Variants in MICU1 observed in about 807,000 individuals in gnomAD.
MICU1 encodes the protein mitochondrial calcium uptake 1, also known as calcium uptake protein 1, mitochondrial.
MICU1 carries 45 observed loss-of-function variants against 56.8 expected under a neutral mutation model. That is an observed-to-expected ratio of 0.79 (90% confidence interval 0.62 to 1.02). The LOEUF (loss-of-function observed/expected upper bound fraction) is 1.02, where lower values mean the gene tolerates loss of function less well. Among genes scored for constraint, MICU1 ranks in the 50% least tolerant of loss-of-function variants. The pLI, the probability that MICU1 is intolerant of heterozygous loss-of-function variation, is 0.00. For synonymous variants in MICU1, 186 were observed against 195.1 expected, an observed-to-expected ratio of 0.95 and a Z score of 0.39; for missense variants, 504 against 587.1, an observed-to-expected ratio of 0.86 and a Z score of 1.46.
chr10:72,616,883 C>T (rs1174805630), intron 1 of MICU1, among the ~76,000 whole-genome samples: 1 of 152,182 alleles, frequency 6.6e-6, no homozygotes. Flanking sequence ...CCCAGACTCC[C>T]TCAATTAAGG....
intron 8 of MICU1, among the ~76,000 whole-genome samples, chr10:72,437,377 C>T (rs1477989020): frequency 1.3e-5 from 2 of 152,172 alleles, no homozygotes; most frequent in African/African-American, 4.8e-5. Context: ...GCCTGACTTA[C>T]AGGAGCTCCT....
chr10:72,394,125 T>A (rs532065567), intron 10 of MICU1, among the ~76,000 whole-genome samples: 1 of 152,096 alleles, frequency 6.6e-6, no homozygotes, highest in Non-Finnish European at 1.5e-5. Context: ...TTAATAAACA[T>A]CTATTGGCTG....
chr10:72,459,173 A>C (rs1170547694), intron 8 of MICU1, among the ~76,000 whole-genome samples: 4 of 152,088 alleles, frequency 2.6e-5, no homozygotes, highest in Non-Finnish European at 5.9e-5. Context: ...TCTACTAAAA[A>C]TATGAAAATT....
At chr10:72,448,195 T>A (rs57463418) in intron 8 of MICU1, among the ~76,000 whole-genome samples, 254 of 81,694 alleles carry the variant, frequency 3.1e-3, no homozygotes, top group African/African-American at 0.014. Flanking sequence ...ATATATATAT[T>A]TTTTTTTTTT....
At position 72,508,143 on chromosome 10, in the gene MICU1, GT is replaced by G; in HGVS notation, c.652+11del. 1 of 1,409,024 alleles carries G rather than the reference GT, an allele frequency of 7.1e-7. No homozygotes were observed. Among genetic ancestry groups the G allele is most frequent in the Non-Finnish European group, 9.6e-7 (1 of 1,039,974 alleles). The allele number at this position is 1,409,024 out of a possible 1,614,324, so 87.3% of individuals were successfully genotyped here. A position where few individuals can be genotyped will look rare whatever the true frequency, so the allele number is the denominator to read the frequency against. Reference sequence around the variant, plus strand: ...TGCTCTACAAATGGAAAAAGAAAACGTTTATACTTACTGGAAAGAACAGTTG... The same window carrying G: ...TGCTCTACAAATGGAAAAAGAAAACGTTATACTTACTGGAAAGAACAGTTG... On this transcript the variant is annotated intron_variant, in intron 6 of 11. Coordinates refer to ENST00000361114, the MANE Select transcript of MICU1 (RefSeq NM_001195518.2).
chr10:72,407,976 T>A lies in MICU1; in HGVS notation c.1133A>T (p.Asp378Val). Residue 378 changes from aspartate to valine, a missense_variant, in exon 10 of 12, where the codon GAC (aspartate) becomes GTC (valine). Physicochemically the swap from Asp to Val is radical, Grantham distance 152. Transcript: ENST00000361114. ...FTFLKNINDV[D>V]TALSFYHMAG... ...CATATGGTAAAAACTCAATGCAGTG[T>A]CCACATCATTAATGTTCTTTAGGAA... 1 of 1,613,858 alleles carries A rather than the reference T, an allele frequency of 6.2e-7. No individual in the cohort carries two copies. Among genetic ancestry groups the A allele is most frequent in the Non-Finnish European group, 8.5e-7 (1 of 1,179,816 alleles).
intron 1 of MICU1, among the ~76,000 whole-genome samples, chr10:72,613,053 A>G (rs1841892282): frequency 6.6e-6 from 1 of 152,108 alleles, no homozygotes. Context: ...AATTAACATC[A>G]AACCTTTATA....
intron 1 of MICU1, among the ~76,000 whole-genome samples, chr10:72,585,823 A>G (rs1223242406): frequency 6.6e-6 from 1 of 152,070 alleles, no homozygotes; most frequent in African/African-American, 2.4e-5. Flanking sequence ...CCAGATGCTC[A>G]AGTATCTTAT....
chr10:72,405,475 C>T (rs1863597556), intron 10 of MICU1, among the ~76,000 whole-genome samples: 1 of 152,000 alleles, frequency 6.6e-6, no homozygotes, highest in Middle Eastern at 3.2e-3. Flanking sequence ...CCTGCCTCGG[C>T]CTCCCAAAGT....
At chr10:72,565,687 G>A (rs76934300) in intron 2 of MICU1, among the ~76,000 whole-genome samples, 2 of 151,140 alleles carry the variant, frequency 1.3e-5, no homozygotes, top group African/African-American at 2.4e-5. Flanking sequence ...AATCCCAGCC[G>A]GGCATGGTGG....
chr10:72,560,544 T>A (rs1012011131), intron 3 of MICU1: 1 of 152,154 alleles, frequency 6.6e-6, no homozygotes, highest in Non-Finnish European at 1.5e-5. Context: ...AACCCTTGAA[T>A]TTACATAGGA....
At chr10:72,606,376 T>G (rs539883282) in intron 1 of MICU1, among the ~76,000 whole-genome samples, 171 of 151,684 alleles carry the variant, frequency 1.1e-3, no homozygotes, top group Non-Finnish European at 2.1e-3. Context: ...TAGCCGGGCA[T>G]GGTGGTGGAC....
intron 4 of MICU1, among the ~76,000 whole-genome samples, chr10:72,542,840 G>A (rs187903885): frequency 6.6e-6 from 1 of 152,210 alleles, no homozygotes; most frequent in Non-Finnish European, 1.5e-5. Context: ...TTGAAAGATG[G>A]TGAATGCAGA....
intron 6 of MICU1, among the ~76,000 whole-genome samples, chr10:72,485,408 T>C (rs1456587394): frequency 6.6e-6 from 1 of 152,058 alleles, no homozygotes; most frequent in East Asian, 1.9e-4. Flanking sequence ...ATAATAATAA[T>C]GGCACCTGAC....
chr10:72,513,394 G>A (rs1867545091), intron 5 of MICU1, among the ~76,000 whole-genome samples: 2 of 151,998 alleles, frequency 1.3e-5, no homozygotes, highest in South Asian at 4.2e-4. Flanking sequence ...GCTCATTTTT[G>A]AATTTGTTAT....
At position 72,566,818 on chromosome 10, in the gene MICU1, C is replaced by T. The variant is rs200164371; in HGVS notation, c.-1-24G>A. ...TCCTGTGGACAATAAGTAGAAATGT[C>T]ACTCTTAGCTAGTGGTAGTTATGAT... On this transcript the variant is annotated intron_variant, in intron 1 of 11. Coordinates refer to ENST00000361114, the MANE Select transcript of MICU1 (RefSeq NM_001195518.2). The T allele has an allele frequency of 2.2e-5, 35 of 1,590,242 alleles. No homozygotes were observed. In the African/African-American group the frequency reaches 4.2e-4, roughly 19 times the overall value.
chr10:72,480,865 A>G (rs1866272705), intron 6 of MICU1, among the ~76,000 whole-genome samples: 1 of 152,222 alleles, frequency 6.6e-6, no homozygotes, highest in Non-Finnish European at 1.5e-5. Flanking sequence ...ATTATGGTTA[A>G]TATCACCTCC....
At chr10:72,579,764 G>A (rs978145323) in intron 1 of MICU1, among the ~76,000 whole-genome samples, 1 of 152,094 alleles carries the variant, frequency 6.6e-6, no homozygotes, top group African/African-American at 2.4e-5. Flanking sequence ...CTATGCTTCT[G>A]ATGGCTCAGT....
chr10:72,406,057 T>A (rs12783613), intron 10 of MICU1, among the ~76,000 whole-genome samples: 67,157 of 151,680 alleles, frequency 0.44, 18,725 homozygotes, highest in Non-Finnish European at 0.64. Flanking sequence ...CTATCTCTGT[T>A]TGAAGATGAT....
Sources: allele counts gnomAD v4.1 joint callset (sites outside exome capture counted in the v4.1 genomes callset), GRCh38; gene constraint gnomAD v4.1.1; transcripts MANE v1.5; gene names NCBI Gene and HGNC (gene_info 2026-07-23, HGNC 2026-07-21).